Variants in NFIA observed in about 807,000 individuals in gnomAD.
NFIA encodes nuclear factor I A.
In NFIA, 8 loss-of-function variants were observed where a neutral mutation model predicts 62.8. The observed-to-expected ratio is 0.13, with a 90% CI of 0.07 to 0.23. The LOEUF is 0.23. Among genes scored for constraint, NFIA ranks in the 10% least tolerant of loss-of-function variants. The pLI is 1.00. For synonymous variants in NFIA, 235 were observed against 238.1 expected, an observed-to-expected ratio of 0.99 and a Z score of 0.12; for missense variants, 410 against 642.1, an observed-to-expected ratio of 0.64 and a Z score of 3.91.
intron 3 of NFIA, among the ~76,000 whole-genome samples, chr1:61,299,156 A>G (rs1277194000): frequency 6.6e-6 from 1 of 152,178 alleles, no homozygotes; most frequent in Non-Finnish European, 1.5e-5. Flanking sequence ...CTAAGTGCTG[A>G]ATTTTTCCTT....
intron 3 of NFIA, among the ~76,000 whole-genome samples, chr1:61,287,898 C>T (rs923344126): frequency 1.3e-5 from 2 of 152,108 alleles, no homozygotes; most frequent in Non-Finnish European, 2.9e-5. Flanking sequence ...TTTCACTGAT[C>T]ACAAAAGGTC....
At chr1:61,377,824 G>A (rs937487756) in intron 6 of NFIA, among the ~76,000 whole-genome samples, 2 of 152,214 alleles carry the variant, frequency 1.3e-5, no homozygotes, top group Admixed American at 1.3e-4. Flanking sequence ...ACAGGAGAAT[G>A]AATTTTTGGA....
At chr1:61,357,593 C>A (rs571845925) in intron 5 of NFIA, among the ~76,000 whole-genome samples, 1 of 152,290 alleles carries the variant, frequency 6.6e-6, no homozygotes, top group Non-Finnish European at 1.5e-5. Context: ...TCCCGAACCC[C>A]TGGCTCATCA....
At chr1:61,195,868 G>A (rs374977884) in intron 2 of NFIA, among the ~76,000 whole-genome samples, 66 of 152,056 alleles carry the variant, frequency 4.3e-4, no homozygotes, top group African/African-American at 1.1e-3. Flanking sequence ...GAAATGTGAC[G>A]TATAAAGAAA....
intron 2 of NFIA, among the ~76,000 whole-genome samples, chr1:61,249,497 G>A (rs928810252): frequency 3.9e-5 from 6 of 152,262 alleles, no homozygotes; most frequent in East Asian, 1.9e-4. Flanking sequence ...GGCCAGATGC[G>A]GTGGCTCACG....
intron 2 of NFIA, among the ~76,000 whole-genome samples, chr1:61,261,727 C>T (rs1459722962): frequency 6.6e-6 from 1 of 152,094 alleles, no homozygotes; most frequent in Non-Finnish European, 1.5e-5. Flanking sequence ...CCAACAACAA[C>T]AAAAAAAGCA....
At chr1:61,327,377 A>G (rs1447002288) in intron 3 of NFIA, among the ~76,000 whole-genome samples, 1 of 151,766 alleles carries the variant, frequency 6.6e-6, no homozygotes, top group African/African-American at 2.4e-5. Flanking sequence ...CTTGTACCCA[A>G]TATGTAGGCA....
intron 2 of NFIA, among the ~76,000 whole-genome samples, chr1:61,089,912 A>G (rs745328433): frequency 3.9e-5 from 6 of 152,204 alleles, no homozygotes; most frequent in Non-Finnish European, 7.3e-5. Flanking sequence ...CTTTGCAAGC[A>G]TGTCACATCA....
chr1:61,401,972 A>G (rs1665578573), intron 7 of NFIA, among the ~76,000 whole-genome samples: 1 of 152,072 alleles, frequency 6.6e-6, no homozygotes, highest in African/African-American at 2.4e-5. Flanking sequence ...TTAACAAGCA[A>G]CAACAATAGA....
intron 10 of NFIA, among the ~76,000 whole-genome samples, chr1:61,453,812 C>T (rs967202414): frequency 6.6e-6 from 1 of 152,296 alleles, no homozygotes; most frequent in Non-Finnish European, 1.5e-5. Context: ...TTCTCTCCCC[C>T]TCTTCTTTCT....
At chr1:61,269,415 A>G (rs1657378395) in intron 2 of NFIA, among the ~76,000 whole-genome samples, 1 of 152,220 alleles carries the variant, frequency 6.6e-6, no homozygotes, top group Non-Finnish European at 1.5e-5. Context: ...GCAATTCACC[A>G]TTCTGACATG....
intron 3 of NFIA, among the ~76,000 whole-genome samples, chr1:61,317,209 CTT>C (rs1165536919): frequency 2.1e-4 from 32 of 152,136 alleles, no homozygotes; most frequent in South Asian, 2.1e-4. Flanking sequence ...ATTTTTAATT[CTT>C]TCTCTATATA....
intron 3 of NFIA, among the ~76,000 whole-genome samples, chr1:61,309,148 T>TCTGA (rs1050665816): frequency 6.6e-6 from 1 of 152,162 alleles, no homozygotes; most frequent in African/African-American, 2.4e-5. Flanking sequence ...CCTTCTTTCG[T>TCTGA]CTGAGCTCTA....
intron 9 of NFIA, among the ~76,000 whole-genome samples, 195 bp from the exon 10 acceptor site, chr1:61,426,270 T>C (rs1666862503): frequency 6.6e-6 from 1 of 152,192 alleles, no homozygotes; most frequent in Non-Finnish European, 1.5e-5. Context: ...CCCAACAGTC[T>C]TTGGAAGCCA....
chr1:61,229,290 T>C (rs1419305580), intron 2 of NFIA, among the ~76,000 whole-genome samples: 1 of 152,200 alleles, frequency 6.6e-6, no homozygotes, highest in Non-Finnish European at 1.5e-5. Context: ...GTCATTTTTC[T>C]CAATATAACC....
At chr1:61,417,144 C>T (rs1666386184) in intron 9 of NFIA, among the ~76,000 whole-genome samples, 1 of 151,638 alleles carries the variant, frequency 6.6e-6, no homozygotes, top group South Asian at 2.1e-4. Flanking sequence ...GAGTTTAAGT[C>T]TTTCTTTATA....
At chr1:61,422,250 C>G (rs1666654565) in intron 9 of NFIA, among the ~76,000 whole-genome samples, 1 of 152,102 alleles carries the variant, frequency 6.6e-6, no homozygotes, top group Non-Finnish European at 1.5e-5. Context: ...GCGACAGAGC[C>G]AGACTCCATC....
At chr1:61,449,010 G>A (rs1041687103) in intron 10 of NFIA, among the ~76,000 whole-genome samples, 1 of 152,216 alleles carries the variant, frequency 6.6e-6, no homozygotes, top group African/African-American at 2.4e-5. Flanking sequence ...CCAAACGGAG[G>A]TCTTGGCTGG....
At chr1:61,372,515 G>A (rs984360468) in intron 6 of NFIA, among the ~76,000 whole-genome samples, 43 of 151,420 alleles carry the variant, frequency 2.8e-4, no homozygotes, top group Non-Finnish European at 1.0e-4. Context: ...GTTGAATGTA[G>A]CATTAATCAT....
Sources: allele counts gnomAD v4.1 joint callset (sites outside exome capture counted in the v4.1 genomes callset), GRCh38; gene constraint gnomAD v4.1.1; transcripts MANE v1.5; gene names NCBI Gene and HGNC (gene_info 2026-07-23, HGNC 2026-07-21).